The following HIVEP3 variants were observed in gnomAD, a reference collection of about 807,000 sequenced individuals.
HIVEP3 encodes the protein transcription factor HIVEP3.
A neutral mutation model predicts 152.8 loss-of-function variants in HIVEP3; 49 were observed. The ratio of observed to expected loss-of-function variants is 0.32; its 90% CI spans 0.26 to 0.41. The LOEUF is 0.41. Among genes scored for constraint, HIVEP3 ranks in the 10% least tolerant of loss-of-function variants. The pLI is 1.00. For synonymous variants in HIVEP3, 1,269 were observed against 1,289.0 expected (o/e 0.98, Z 0.33); for missense variants, 2,790 against 3,103.3 (o/e 0.90, Z 2.40).
chr1:41,997,181 C>T (rs1645400529), intron 1 of HIVEP3, among the ~76,000 whole-genome samples: 1 of 152,216 alleles, frequency 6.6e-6, no homozygotes, highest in African/African-American at 2.4e-5. Flanking sequence ...AGCATAGCAT[C>T]ATGTCCACAG....
chr1:41,866,868 T>C (rs1194558414), intron 1 of HIVEP3, among the ~76,000 whole-genome samples: 1 of 152,230 alleles, frequency 6.6e-6, no homozygotes, highest in Admixed American at 6.5e-5. Context: ...GATGCTAATG[T>C]CCCAGCTCAA....
chr1:41,773,517 A>G (rs987465636), intron 1 of HIVEP3, among the ~76,000 whole-genome samples: 3 of 152,002 alleles, frequency 2.0e-5, no homozygotes, highest in African/African-American at 7.3e-5. Context: ...CCCTCCCGGA[A>G]TCCAGTATCT....
chr1:41,655,403 G>C (rs1418016537), intron 2 of HIVEP3, among the ~76,000 whole-genome samples: 1 of 151,706 alleles, frequency 6.6e-6, no homozygotes, highest in African/African-American at 2.4e-5. Context: ...GCCAACATGG[G>C]GAAACCCTGT....
At chr1:41,902,683 C>T (rs1485139128) in intron 1 of HIVEP3, among the ~76,000 whole-genome samples, 1 of 152,190 alleles carries the variant, frequency 6.6e-6, no homozygotes, top group African/African-American at 2.4e-5. Flanking sequence ...GATCCAACGC[C>T]ATCTGAGCAG....
At chr1:41,772,365 C>A (rs1648430404) in intron 1 of HIVEP3, among the ~76,000 whole-genome samples, 1 of 152,184 alleles carries the variant, frequency 6.6e-6, no homozygotes, top group Non-Finnish European at 1.5e-5. Context: ...TGGTGCATGA[C>A]AGGCACATTT....
chr1:42,022,132 G>T (rs1645558163), intron 1 of HIVEP3, among the ~76,000 whole-genome samples: 1 of 152,140 alleles, frequency 6.6e-6, no homozygotes, highest in Admixed American at 6.6e-5. Flanking sequence ...CCCCAAACTG[G>T]CTTAATTACT....
intron 1 of HIVEP3, among the ~76,000 whole-genome samples, chr1:41,889,131 C>G (rs758878381): frequency 1.0e-4 from 15 of 149,674 alleles, no homozygotes; most frequent in Admixed American, 4.0e-4. Context: ...CACACACACA[C>G]CCCCCACATA....
At chr1:41,701,612 G>A (rs1224793369) in intron 1 of HIVEP3, among the ~76,000 whole-genome samples, 1 of 152,090 alleles carries the variant, frequency 6.6e-6, no homozygotes, top group Non-Finnish European at 1.5e-5. Flanking sequence ...TACCATTTTC[G>A]GTACAAGGAC....
At chr1:41,561,457 C>T (rs1012925536) in intron 5 of HIVEP3, among the ~76,000 whole-genome samples, 1 of 152,104 alleles carries the variant, frequency 6.6e-6, no homozygotes, top group East Asian at 1.9e-4. Flanking sequence ...TAAGAAAATT[C>T]AGGTGGACCC....
intron 1 of HIVEP3, among the ~76,000 whole-genome samples, chr1:42,023,908 A>T (rs1443628323): frequency 6.6e-6 from 1 of 152,222 alleles, no homozygotes; most frequent in African/African-American, 2.4e-5. Context: ...CATGAATCCC[A>T]GTACCATTTA....
At position 41,566,652 on chromosome 1, in the gene HIVEP3, G is replaced by A. The variant is rs530592505; in HGVS notation, c.5207+8892C>T. 2.6e-5 allele frequency among the ~76,000 whole-genome samples: 4 copies of A among 152,166 alleles called. No individual in the cohort carries two copies. In the South Asian group the frequency reaches 6.2e-4, roughly 24 times the overall value. On this transcript the variant is annotated intron_variant, in intron 5 of 8. Coordinates refer to ENST00000372583, the MANE Select transcript of HIVEP3 (RefSeq NM_024503.5). ...AGGGTTCCATCACTATGGAAACAGC[G>A]CCCATCAGTCACCAGTCACCTGCAC...
intron 1 of HIVEP3, among the ~76,000 whole-genome samples, chr1:41,989,440 A>C (rs1265870165): frequency 6.6e-6 from 1 of 152,194 alleles, no homozygotes; most frequent in African/African-American, 2.4e-5. Flanking sequence ...GTTATGAACA[A>C]AATAATGTGG....
chr1:41,734,820 A>G (rs1318604486), intron 1 of HIVEP3, among the ~76,000 whole-genome samples: 2 of 152,188 alleles, frequency 1.3e-5, no homozygotes, highest in South Asian at 2.1e-4. Flanking sequence ...GCTTGATGCC[A>G]TTGGGTGAGA....
intron 2 of HIVEP3, among the ~76,000 whole-genome samples, chr1:41,638,266 G>T (rs1257607043): frequency 7.1e-6 from 1 of 140,912 alleles, no homozygotes; most frequent in South Asian, 2.2e-4. Flanking sequence ...GAGAAAGAAA[G>T]AAAGAAAGAA....
At chr1:41,865,614 C>G (rs1172253736) in intron 1 of HIVEP3, 1 of 152,170 alleles carries the variant, frequency 6.6e-6, no homozygotes, top group Non-Finnish European at 1.5e-5. Context: ...ACTGGATGAG[C>G]TCTGCAGAGA....
At chr1:41,811,873 A>G (rs1213371879) in intron 1 of HIVEP3, among the ~76,000 whole-genome samples, 2 of 152,038 alleles carry the variant, frequency 1.3e-5, no homozygotes, top group Non-Finnish European at 2.9e-5. Flanking sequence ...AATATAAAGA[A>G]CCATATAATT....
intron 1 of HIVEP3, among the ~76,000 whole-genome samples, chr1:41,749,135 C>A (rs1024215946): frequency 1.3e-5 from 2 of 152,198 alleles, no homozygotes; most frequent in African/African-American, 2.4e-5. Context: ...CAATAGGCTG[C>A]AGACAGTGAA....
chr1:41,622,187 G>A (rs1316928893), intron 3 of HIVEP3, among the ~76,000 whole-genome samples: 1 of 152,220 alleles, frequency 6.6e-6, no homozygotes, highest in Non-Finnish European at 1.5e-5. Context: ...TCCCTGCCTA[G>A]AGGGGAGCCC....
intron 1 of HIVEP3, among the ~76,000 whole-genome samples, chr1:42,019,151 T>C (rs1645539968): frequency 6.6e-6 from 1 of 152,088 alleles, no homozygotes; most frequent in South Asian, 2.1e-4. Context: ...AGCTTTATAA[T>C]AATTCTAAAT....
Sources: gnomAD v4.1 joint callset for allele counts (sites outside exome capture counted in the v4.1 genomes callset) on GRCh38, gnomAD v4.1.1 for gene constraint, MANE v1.5 for transcripts, NCBI Gene and HGNC (gene_info 2026-07-23, HGNC 2026-07-21) for gene names.